The following MACROD2 variants were observed in gnomAD, a reference collection of about 807,000 sequenced individuals.
MACROD2 encodes the protein mono-ADP ribosylhydrolase 2, also known as ADP-ribose glycohydrolase MACROD2.
Under a neutral mutation model 70.4 loss-of-function variants are expected in MACROD2, and 36 were observed. That is an observed-to-expected ratio of 0.51 (90% confidence interval 0.39 to 0.68). MACROD2 has a LOEUF of 0.68. Ranked by LOEUF, MACROD2 falls within the 30% of genes least tolerant of loss-of-function variation. The pLI is 0.00. For synonymous variants in MACROD2, 172 were observed against 178.8 expected (o/e 0.96, Z 0.30); for missense variants, 496 against 538.4 (o/e 0.92, Z 0.78).
At chr20:14,881,714 G>C (rs2073612889) in intron 5 of MACROD2, among the ~76,000 whole-genome samples, 1 of 152,092 alleles carries the variant, frequency 6.6e-6, no homozygotes. Context: ...ACTTGTGTTT[G>C]AGCACTGTGG....
intron 3 of MACROD2, among the ~76,000 whole-genome samples, chr20:14,466,413 G>A (rs1035526837): frequency 3.9e-5 from 6 of 151,960 alleles, no homozygotes; most frequent in African/African-American, 1.5e-4. Context: ...CTCTGCATTG[G>A]TTATTCTAGT....
At chr20:14,160,642 C>T (rs1036795079) in intron 3 of MACROD2, among the ~76,000 whole-genome samples, 1 of 151,768 alleles carries the variant, frequency 6.6e-6, no homozygotes, top group Non-Finnish European at 1.5e-5. Flanking sequence ...AGTAGCTTAT[C>T]AATTTTGTTT....
At chr20:15,793,686 G>A (rs954512792) in intron 8 of MACROD2, among the ~76,000 whole-genome samples, 4 of 151,076 alleles carry the variant, frequency 2.6e-5, no homozygotes, top group Non-Finnish European at 4.4e-5. Context: ...TTTCTTATAT[G>A]TATTCCTCCT....
At chr20:14,749,046 T>C (rs2071835606) in intron 5 of MACROD2, among the ~76,000 whole-genome samples, 2 of 152,154 alleles carry the variant, frequency 1.3e-5, no homozygotes, top group South Asian at 4.1e-4. Flanking sequence ...ATTTCATCTA[T>C]TTGTCTTTTC....
chr20:14,127,460 C>T (rs1337727850), intron 3 of MACROD2: 2 of 492,190 alleles, frequency 4.1e-6, no homozygotes, highest in Non-Finnish European at 7.4e-6. Context: ...TCTGAAGAGG[C>T]TGGAGCAGAA....
intron 3 of MACROD2, among the ~76,000 whole-genome samples, chr20:14,366,029 A>G (rs998519291): frequency 3.3e-5 from 5 of 152,312 alleles, no homozygotes; most frequent in Admixed American, 3.3e-4. Flanking sequence ...TATGTAGTGT[A>G]TCCTGTAGAT....
intron 6 of MACROD2, among the ~76,000 whole-genome samples, chr20:15,367,955 T>A (rs950464993): frequency 6.6e-6 from 1 of 152,188 alleles, no homozygotes; most frequent in Non-Finnish European, 1.5e-5. Context: ...CTATTAGAAG[T>A]GAAGGGATCA....
At chr20:14,560,133 C>T (rs185701642) in intron 4 of MACROD2, among the ~76,000 whole-genome samples, 38 of 151,940 alleles carry the variant, frequency 2.5e-4, no homozygotes, top group Admixed American at 1.8e-3. Context: ...GGGACAAGAA[C>T]TTGCTATCCG....
chr20:15,788,822 C>G (rs545174637), intron 8 of MACROD2, among the ~76,000 whole-genome samples: 3 of 152,054 alleles, frequency 2.0e-5, no homozygotes, highest in Admixed American at 2.0e-4. Flanking sequence ...ATTATGAGGG[C>G]GTTTTAAACC....
chr20:14,246,863 C>G (rs1275713344), intron 3 of MACROD2, among the ~76,000 whole-genome samples: 1 of 152,122 alleles, frequency 6.6e-6, no homozygotes, highest in East Asian at 1.9e-4. Flanking sequence ...TGATTCATAT[C>G]TGTTATTTCA....
At chr20:15,712,443 C>T (rs989184752) in intron 8 of MACROD2, among the ~76,000 whole-genome samples, 1 of 152,184 alleles carries the variant, frequency 6.6e-6, no homozygotes, top group Non-Finnish European at 1.5e-5. Context: ...GTTCCACTGC[C>T]ACCTCCCCCA....
At chr20:14,821,840 A>G (rs986900777) in intron 5 of MACROD2, among the ~76,000 whole-genome samples, 2 of 152,014 alleles carry the variant, frequency 1.3e-5, no homozygotes, top group Admixed American at 6.6e-5. Context: ...GCCCTGGTGT[A>G]CTCATGAGTA....
At chr20:14,764,204 C>T (rs1054801440) in intron 5 of MACROD2, among the ~76,000 whole-genome samples, 29 of 152,062 alleles carry the variant, frequency 1.9e-4, no homozygotes, top group Admixed American at 3.9e-4. Flanking sequence ...CACATTGGGT[C>T]CCATTTCTGG....
intron 15 of MACROD2, among the ~76,000 whole-genome samples, chr20:16,010,752 C>A (rs1027970402): frequency 2.0e-5 from 3 of 152,162 alleles, no homozygotes; most frequent in African/African-American, 4.8e-5. Flanking sequence ...GATTTAGAAG[C>A]CCCTGGCAAT....
intron 5 of MACROD2, chr20:14,935,421 T>A (rs1445616724): frequency 6.6e-6 from 1 of 152,164 alleles, no homozygotes; most frequent in African/African-American, 2.4e-5. Flanking sequence ...ACTTAGTGAA[T>A]CTCAGGTAAG....
chr20:15,255,846 G>A (rs904239867), intron 6 of MACROD2, among the ~76,000 whole-genome samples: 1 of 152,064 alleles, frequency 6.6e-6, no homozygotes, highest in Non-Finnish European at 1.5e-5. Context: ...TCTATGTCTT[G>A]GTGCTTCTAC....
intron 3 of MACROD2, among the ~76,000 whole-genome samples, chr20:14,432,416 C>CT (rs35409599): frequency 0.16 from 22,820 of 140,808 alleles, 2,382 homozygotes; most frequent in Non-Finnish European, 0.23. Context: ...AAGATAGGCA[C>CT]TTTTTTTTTT....
At chr20:16,041,378 A>G (rs2067305688) in intron 16 of MACROD2, 100 bp downstream of exon 16, 2 of 950,832 alleles carry the variant, frequency 2.1e-6, no homozygotes, top group Non-Finnish European at 3.1e-6. Context: ...ATAAAGCAAC[A>G]TATTTGGTTA....
chr20:15,887,475 G>C (rs2064836711), intron 10 of MACROD2, among the ~76,000 whole-genome samples: 1 of 152,154 alleles, frequency 6.6e-6, no homozygotes, highest in African/African-American at 2.4e-5. Flanking sequence ...GGTGCTTGCT[G>C]TTATTTTATA....
Sources: gnomAD v4.1 joint callset for allele counts (sites outside exome capture counted in the v4.1 genomes callset) on GRCh38, gnomAD v4.1.1 for gene constraint, MANE v1.5 for transcripts, NCBI Gene and HGNC (gene_info 2026-07-23, HGNC 2026-07-21) for gene names.